The following RBFOX1 variants were observed in gnomAD, a reference collection of about 807,000 sequenced individuals.
The protein encoded by RBFOX1 is RNA binding protein fox-1 homolog 1.
Under a neutral mutation model 57.7 loss-of-function variants are expected in RBFOX1, and 8 were observed. That is an observed-to-expected ratio of 0.14 (90% CI 0.08 to 0.25). The LOEUF is 0.25. Among genes scored for constraint, RBFOX1 ranks in the 10% least tolerant of loss-of-function variants. The pLI is 1.00. For missense variants in RBFOX1, 611 were observed against 548.5 expected, an observed-to-expected ratio of 1.11 and a Z score of -1.14; for synonymous variants, 326 against 222.4, an observed-to-expected ratio of 1.47 and a Z score of -4.15.
chr16:7,710,532 A>G, intron 15 of RBFOX1, 91 bp from the exon 16 acceptor site: 1 of 1,582,600 alleles, frequency 6.3e-7, no homozygotes, highest in Non-Finnish European at 8.5e-7. Flanking sequence ...GTTGGTTTTG[A>G]GTGTCTATTT....
intron 3 of RBFOX1, among the ~76,000 whole-genome samples, chr16:6,692,230 G>C (rs367546341): frequency 6.6e-6 from 1 of 152,156 alleles, no homozygotes. Context: ...AACTAACTCA[G>C]TGACCTCCCT....
intron 2 of RBFOX1, among the ~76,000 whole-genome samples, chr16:6,464,712 G>C (rs943351354): frequency 1.3e-5 from 2 of 152,194 alleles, no homozygotes; most frequent in African/African-American, 4.8e-5. Flanking sequence ...CTTGTGCTTT[G>C]ATTACACCTT....
At chr16:6,659,281 C>T (rs1057289801) in intron 3 of RBFOX1, among the ~76,000 whole-genome samples, 3 of 151,904 alleles carry the variant, frequency 2.0e-5, no homozygotes, top group East Asian at 1.9e-4. Flanking sequence ...CACTTATCGC[C>T]TGGCCTGGTG....
intron 1 of RBFOX1, among the ~76,000 whole-genome samples, chr16:6,258,470 T>A (rs2097682158): frequency 6.6e-6 from 1 of 152,146 alleles, no homozygotes; most frequent in Non-Finnish European, 1.5e-5. Context: ...ACCGATGAAT[T>A]TTACACTCTG....
intron 3 of RBFOX1, among the ~76,000 whole-genome samples, chr16:6,974,707 A>C (rs2086416320): frequency 6.6e-6 from 1 of 151,908 alleles, no homozygotes; most frequent in Non-Finnish European, 1.5e-5. Context: ...ACATTTATTA[A>C]ATGTCCCTTT....
chr16:6,792,587 C>G (rs1021476227), intron 3 of RBFOX1, among the ~76,000 whole-genome samples: 2 of 152,200 alleles, frequency 1.3e-5, no homozygotes, highest in African/African-American at 2.4e-5. Context: ...TACTGTGCCT[C>G]CTACTACGAA....
intron 3 of RBFOX1, among the ~76,000 whole-genome samples, chr16:7,000,061 C>G (rs894177652): frequency 3.1e-5 from 4 of 127,120 alleles, no homozygotes; most frequent in African/African-American, 5.9e-5. Context: ...AACAGGGAGA[C>G]TCTGTTTCAA....
intron 3 of RBFOX1, among the ~76,000 whole-genome samples, chr16:6,953,231 A>G (rs770552177): frequency 1.1e-4 from 17 of 152,126 alleles, no homozygotes; most frequent in Non-Finnish European, 2.1e-4. Flanking sequence ...CCTGTTACCT[A>G]TGGTACTCTT....
At chr16:5,701,166 C>T (rs1195407779) in intron 3 of RBFOX1, among the ~76,000 whole-genome samples, 2 of 152,190 alleles carry the variant, frequency 1.3e-5, no homozygotes, top group African/African-American at 4.8e-5. Context: ...TCTGTGTGAT[C>T]TGTTTCTTGC....
chr16:7,227,411 A>G (rs775626391), intron 4 of RBFOX1, among the ~76,000 whole-genome samples: 2 of 151,972 alleles, frequency 1.3e-5, no homozygotes, highest in African/African-American at 2.4e-5. Flanking sequence ...TCCACAATGC[A>G]GGAATTTTGC....
intron 1 of RBFOX1, among the ~76,000 whole-genome samples, chr16:6,273,429 C>T (rs924112732): frequency 7.2e-6 from 1 of 139,118 alleles, no homozygotes; most frequent in African/African-American, 2.7e-5. Context: ...ACTGCAACCT[C>T]TGCCTCCTAG....
At chr16:5,360,920 T>C (rs2065530704) in intron 1 of RBFOX1, among the ~76,000 whole-genome samples, 1 of 152,090 alleles carries the variant, frequency 6.6e-6, no homozygotes, top group African/African-American at 2.4e-5. Context: ...GGAGATCTAG[T>C]GGGAGAAGCC....
intron 1 of RBFOX1, among the ~76,000 whole-genome samples, chr16:5,436,436 T>C (rs1457812389): frequency 3.3e-5 from 5 of 152,184 alleles, no homozygotes; most frequent in African/African-American, 1.2e-4. Flanking sequence ...TTCTCTAAGC[T>C]CTTTGCATTC....
chr16:6,691,053 G>A (rs1474720338), intron 3 of RBFOX1, among the ~76,000 whole-genome samples: 2 of 152,140 alleles, frequency 1.3e-5, no homozygotes, highest in African/African-American at 4.8e-5. Flanking sequence ...GTTACATCAT[G>A]TTCCTTCTGA....
intron 3 of RBFOX1, among the ~76,000 whole-genome samples, chr16:6,881,871 T>C (rs2063005192): frequency 6.6e-6 from 1 of 152,126 alleles, no homozygotes; most frequent in Non-Finnish European, 1.5e-5. Context: ...TTAAGAACTG[T>C]AGTAAAAGTT....
chr16:7,647,010 C>T (rs2063871845), intron 11 of RBFOX1, among the ~76,000 whole-genome samples: 2 of 152,154 alleles, frequency 1.3e-5, no homozygotes, highest in South Asian at 4.1e-4. Flanking sequence ...GCCCATTTGG[C>T]TGGTGGATAC....
At chr16:7,585,701 A>G (rs938978237) in intron 6 of RBFOX1, among the ~76,000 whole-genome samples, 2 of 152,092 alleles carry the variant, frequency 1.3e-5, no homozygotes, top group African/African-American at 4.8e-5. Context: ...TGGCATATAC[A>G]TTTGTTTCTA....
intron 4 of RBFOX1, among the ~76,000 whole-genome samples, chr16:5,886,130 C>G (rs942264020): frequency 6.6e-6 from 1 of 152,166 alleles, no homozygotes; most frequent in African/African-American, 2.4e-5. Context: ...GCCTCCCAGC[C>G]CTGCTTCCTC....
chr16:6,114,114 C>A (rs1430595836), intron 1 of RBFOX1, among the ~76,000 whole-genome samples: 1 of 152,118 alleles, frequency 6.6e-6, no homozygotes, highest in African/African-American at 2.4e-5. Flanking sequence ...TTCATCTTCT[C>A]TCATATTCAC....
Sources: allele counts gnomAD v4.1 joint callset (sites outside exome capture counted in the v4.1 genomes callset), GRCh38; gene constraint gnomAD v4.1.1; transcripts MANE v1.5; gene names NCBI Gene and HGNC (gene_info 2026-07-23, HGNC 2026-07-21).